The following C2CD2L variants were observed in gnomAD, a reference collection of about 807,000 sequenced individuals.
C2CD2L encodes phospholipid transfer protein C2CD2L.
A neutral mutation model predicts 69.9 loss-of-function variants in C2CD2L; 24 were observed. The observed-to-expected ratio is 0.34, with a 90% CI of 0.25 to 0.48. The LOEUF is 0.48. C2CD2L is among the 20% of genes least tolerant of loss of function. The probability of loss-of-function intolerance (pLI) is 0.99; values close to 1 mark genes in which losing one functional copy is unlikely to be tolerated. For synonymous variants in C2CD2L, 367 were observed against 391.0 expected (o/e 0.94, Z 0.72); for missense variants, 811 against 941.5 (o/e 0.86, Z 1.81).
Position 119,114,434 on chromosome 11 carries a change from G to A in C2CD2L, c.1909+69G>A, listed in dbSNP as rs747666802. 8.1e-6 allele frequency: 12 copies of A among 1,481,038 alleles called. No individual in the cohort carries two copies. Among genetic ancestry groups the A allele is most frequent in the Middle Eastern group, 1.8e-4 (1 of 5,690 alleles). 91.7% of individuals were successfully genotyped at this position (1,481,038 alleles called of 1,614,324 possible). On this transcript the variant is annotated intron_variant, in intron 13 of 13. Transcript: ENST00000648610. This position sits in a 1 kb window ranked among gnomAD's most constrained non-coding sequence, Gnocchi z 5.1. ...CACATATCATGACCTGGGGGACCTCGAGCCAGTGTGCCTTCTCCTTCCTCC... is the reference window on the plus strand; with the variant it reads ...CACATATCATGACCTGGGGGACCTCAAGCCAGTGTGCCTTCTCCTTCCTCC...
Position 119,110,854 on chromosome 11 carries a change from T to C in C2CD2L, c.578T>C (p.Val193Ala). 3.7e-6 allele frequency: 6 copies of C among 1,614,040 alleles called. No homozygotes were observed. The highest frequency in any genetic ancestry group is 5.1e-6 in the Non-Finnish European group (6 of 1,179,930). Residue 193 changes from valine to alanine, a missense_variant, in exon 4 of 14, where the codon GTC becomes GCC. Transcript: ENST00000648610. The surrounding 1 kb of genome is among the most constrained non-coding windows in gnomAD (Gnocchi z 5.7). ...TLTLPPTQLE[V>A]NLEEIPGEGL... ...CTTTGTTCCTGTCTGTAGTTGGAAG[T>C]CAACCTGGAGGAAATCCCTGGTGAG... is the stretch of plus-strand genomic sequence containing the variant.
At chr11:119,111,821 C>A in intron 7 of C2CD2L, 192 bp downstream of exon 7, 1 of 558,382 alleles carries the variant, frequency 1.8e-6, no homozygotes, top group Non-Finnish European at 3.2e-6. Context: ...GGGTCAATGA[C>A]AAGCTTGAGG....
rs1195803685 is a variant in C2CD2L at position 119,111,360 on chromosome 11, G to T, written c.896G>T (p.Gly299Val). ...FLRQLRASHL[G>V]NELEGTEELC... ...CGGCAGCTTCGGGCATCTCACTTGG[G>T]AAATGAGCTGGAAGGTGAGAGCTGG... The change falls in exon 6 of 14, where the codon GGA becomes GTA. Residue 299 changes from glycine (G) to valine (V), a missense_variant. Transcript: ENST00000648610. 6.2e-6 allele frequency: 10 copies of T among 1,614,032 alleles called. No homozygotes were observed. The highest frequency in any genetic ancestry group is 7.6e-6 in the Non-Finnish European group (9 of 1,179,990).
chr11:119,112,877 A>G lies in C2CD2L; in HGVS notation c.1387+3A>G. The G allele has an allele frequency of 1.2e-6, 2 of 1,613,306 alleles. No individual in the cohort carries two copies. Among genetic ancestry groups the G allele is most frequent in the Non-Finnish European group, 1.7e-6 (2 of 1,179,554 alleles). On this transcript the variant is annotated splice_donor_region_variant and intron_variant, in intron 10 of 13. Transcript: ENST00000648610. Reference sequence around the variant, plus strand: ...GCCCCGTATAGACGGCAAATTAGGTAAAGAGAAGGAGCCTGGGAGCCCAGC... The same window carrying G: ...GCCCCGTATAGACGGCAAATTAGGTGAAGAGAAGGAGCCTGGGAGCCCAGC...
In C2CD2L at chr11:119,110,833, G is replaced by T; in HGVS notation, c.571-14G>T. 6.2e-7 allele frequency: 1 copy of T among 1,613,760 alleles called. No homozygotes were observed. The highest frequency in any genetic ancestry group is 8.5e-7 in the Non-Finnish European group (1 of 1,179,748). On this transcript the variant is annotated splice_polypyrimidine_tract_variant and intron_variant, in intron 3 of 13. Coordinates refer to ENST00000648610, the MANE Select transcript of C2CD2L (RefSeq NM_001290474.2). This position sits in a 1 kb window ranked among gnomAD's most constrained non-coding sequence, Gnocchi z 5.7. ...TGGGGCAAGTCAGCCCAGTCACTTT[G>T]TTCCTGTCTGTAGTTGGAAGTCAAC... is the stretch of plus-strand genomic sequence containing the variant.
At position 119,113,662 on chromosome 11, in the gene C2CD2L, C is replaced by T. The variant is rs771035089; in HGVS notation, c.1439C>T (p.Thr480Ile). Reference protein sequence around the residue: ...SKVEVTEKTTTVLSESSGPSN... With the variant: ...SKVEVTEKTTIVLSESSGPSN... The stretch of plus-strand genomic sequence containing the variant: ...GTGGAGGTGACCGAGAAGACGACAA[C>T]TGTGCTGAGTGAGAGCAGTGGCCCC... The change falls in exon 11 of 14, where the codon ACT becomes ATT. Residue 480 changes from threonine (T) to isoleucine (I), a missense_variant. By Grantham distance (89) the Thr-to-Ile change is moderately conservative (BLOSUM62 -1). Coordinates refer to ENST00000648610, the MANE Select transcript of C2CD2L (RefSeq NM_001290474.2). 4 of 1,613,494 alleles carry T rather than the reference C, an allele frequency of 2.5e-6. No individual in the cohort carries two copies. In the East Asian group the frequency reaches 8.9e-5, roughly 36 times the overall value.
Position 119,116,188 on chromosome 11 carries a change from C to T in C2CD2L, c.2053C>T (p.Arg685Cys), listed in dbSNP as rs557066894. The T allele has an allele frequency of 6.2e-6, 10 of 1,614,256 alleles. No individual in the cohort carries two copies. The highest frequency in any genetic ancestry group is 1.1e-5 in the South Asian group (1 of 91,086). The change falls in exon 14 of 14, where the codon CGC (arginine) becomes TGC (cysteine). Residue 685 changes from arginine (R) to cysteine (C), a missense_variant. By Grantham distance (180) the Arg-to-Cys change is radical. Coordinates refer to ENST00000648610, the MANE Select transcript of C2CD2L (RefSeq NM_001290474.2). ...AAAGAAGGCCGGCAGCTTTTCTCGC[C>T]GCCTTATCAAGCGCTTTTCCTTCAA... The part of the protein sequence containing the change: ...VRKKAGSFSR[R>C]LIKRFSFKSK...
chr11:119,105,390 G>A (rs545812537), upstream of C2CD2L, among the ~76,000 whole-genome samples: 3 of 152,372 alleles, frequency 2.0e-5, no homozygotes, highest in South Asian at 6.2e-4. Flanking sequence ...TGTAATCCCA[G>A]CACTTTGGGA....
At chr11:119,104,855 T>C (rs969502785), upstream of C2CD2L, among the ~76,000 whole-genome samples, 4 of 152,232 alleles carry the variant, frequency 2.6e-5, no homozygotes, top group African/African-American at 9.6e-5. Context: ...GGGGCTGTGA[T>C]ACTTGCAGGA....
chr11:119,116,150 C>A lies in C2CD2L; in HGVS notation c.2015C>A (p.Thr672Lys), dbSNP rs1483603604. 10 of 1,614,136 alleles carry A rather than the reference C, an allele frequency of 6.2e-6. No homozygotes were observed. The Admixed American group carries it at 1.0e-4, about 16-fold the overall frequency. The change falls in exon 14 of 14, where the codon ACG (threonine) becomes AAG (lysine). Residue 672 changes from threonine (T) to lysine (K), a missense_variant. Physicochemically the swap from Thr to Lys is moderately conservative, Grantham distance 78 (BLOSUM62 -1). Coordinates refer to ENST00000648610, the MANE Select transcript of C2CD2L (RefSeq NM_001290474.2). ...SHDDLSNATA[T>K]PSVRKKAGSF... The stretch of plus-strand genomic sequence containing the variant: ...GATGACCTCTCCAACGCAACGGCCA[C>A]GCCCAGTGTCCGAAAGAAGGCCGGC...
At chr11:119,111,806 C>A in intron 7 of C2CD2L, 177 bp downstream of exon 7, 2 of 578,408 alleles carry the variant, frequency 3.5e-6, no homozygotes, top group South Asian at 4.2e-5. Flanking sequence ...ACAGCCCCCA[C>A]CCCTGGGTCA....
At chr11:119,108,933 C>T (rs1946664292) in intron 1 of C2CD2L, among the ~76,000 whole-genome samples, 1 of 152,200 alleles carries the variant, frequency 6.6e-6, no homozygotes, top group Admixed American at 6.5e-5. Flanking sequence ...TACTAGTTCC[C>T]CAGATGCCGG....
upstream of C2CD2L, among the ~76,000 whole-genome samples, chr11:119,102,860 C>CTTTTTTTT (rs141575057): frequency 2.3e-5 from 1 of 43,454 alleles, no homozygotes; most frequent in African/African-American, 8.8e-5. Flanking sequence ...AATTCACCAG[C>CTTTTTTTT]TTTTTTTTTT....
Position 119,112,736 on chromosome 11 carries a change from A to T in C2CD2L, c.1249A>T (p.Thr417Ser). The change falls in exon 10 of 14, where the codon ACT becomes TCT. Residue 417 changes from threonine to serine, a missense_variant. Thr to Ser is a moderately conservative substitution (Grantham distance 58, BLOSUM62 1). Coordinates refer to ENST00000648610, the MANE Select transcript of C2CD2L (RefSeq NM_001290474.2). ...GGAGGGCTCTCCCCGGAACCTGGGT[A>T]CTCCCACCTCCTCCACTCCACGCCC... ...YEEGSPRNLG[T>S]PTSSTPRPSI... 2.5e-6 allele frequency: 4 copies of T among 1,613,372 alleles called. No homozygotes were observed. The highest frequency in any genetic ancestry group is 3.4e-6 in the Non-Finnish European group (4 of 1,179,748).
In C2CD2L at chr11:119,113,865, C is replaced by T. The variant is rs1946815625; in HGVS notation, c.1500C>T (p.His500=). Reference sequence around the variant, plus strand: ...CTGCACCCCTAGCAGGGGACAGCCACCTTTCCAACGGCTTGGACCCTGTAG... The same window carrying T: ...CTGCACCCCTAGCAGGGGACAGCCATCTTTCCAACGGCTTGGACCCTGTAG... ...NTSHSSSRDS[H]LSNGLDPVAE... Residue 500 remains histidine (H), a synonymous_variant, in exon 12 of 14, where the codon CAC becomes CAT. Transcript: ENST00000648610. The T allele has an allele frequency of 1.2e-6, 2 of 1,614,060 alleles. No homozygotes were observed. The highest frequency in any genetic ancestry group is 1.7e-6 in the Non-Finnish European group (2 of 1,180,006).
chr11:119,111,721 A>T, intron 7 of C2CD2L, 92 bp downstream of exon 7: 1 of 888,374 alleles, frequency 1.1e-6, no homozygotes, highest in Non-Finnish European at 1.7e-6. Flanking sequence ...CTCTGTTTTC[A>T]GTAGCCTTTG....
At position 119,114,274 on chromosome 11, in the gene C2CD2L, G is replaced by A. The variant is rs149487752; in HGVS notation, c.1818G>A (p.Ser606=). ...AGGAAGCAGACGAGACAACCCGTTC[G>A]GATATTTCTGAGAGGCCATCTGTGG... is the stretch of plus-strand genomic sequence containing the variant. ...SVQEADETTR[S]DISERPSVDD... is the part of the protein sequence containing the mutation. Residue 606 remains serine, a synonymous_variant, in exon 13 of 14, where the codon TCG becomes TCA. Transcript: ENST00000648610. This position sits in a 1 kb window ranked among gnomAD's most constrained non-coding sequence, Gnocchi z 5.1. 3.0e-5 allele frequency: 49 copies of A among 1,614,034 alleles called. No individual in the cohort carries two copies. Among genetic ancestry groups the A allele is most frequent in the Admixed American group, 1.0e-4 (6 of 60,004 alleles).
Position 119,111,648 on chromosome 11 carries a change from C to A in C2CD2L, c.1019+19C>A. The stretch of plus-strand genomic sequence containing the variant: ...TGGCACTGTAAGGAGTAACCCTGCC[C>A]CGACCCCATGCTCCAGAGCAGAGAG... On this transcript the variant is annotated intron_variant, in intron 7 of 13. Transcript: ENST00000648610. The A allele has an allele frequency of 6.5e-7, 1 of 1,539,932 alleles. No homozygotes were observed. Among genetic ancestry groups the A allele is most frequent in the South Asian group, 1.1e-5 (1 of 88,520 alleles).
Position 119,114,506 on chromosome 11 carries a change from A to G in C2CD2L, c.1909+141A>G, listed in dbSNP as rs374832046. On this transcript the variant is annotated intron_variant, in intron 13 of 13. Transcript: ENST00000648610. This position sits in a 1 kb window ranked among gnomAD's most constrained non-coding sequence, Gnocchi z 5.1. Reference sequence around the variant, plus strand: ...CAGCCTAGTTCAGCCAAGCTAGCCTAGAGGGGGATCTTGGTGCCTTGGTTC... The same window carrying G: ...CAGCCTAGTTCAGCCAAGCTAGCCTGGAGGGGGATCTTGGTGCCTTGGTTC... 14 of 795,688 alleles carry G rather than the reference A, an allele frequency of 1.8e-5. No homozygotes were observed. Among genetic ancestry groups the G allele is most frequent in the African/African-American group, 1.6e-4 (9 of 58,018 alleles). The allele number at this position is 795,688 out of a possible 1,614,324, so 49.3% of individuals were successfully genotyped here. A position where few individuals can be genotyped will look rare whatever the true frequency, so the allele number is the denominator to read the frequency against.
Sources: allele counts gnomAD v4.1 joint callset (sites outside exome capture counted in the v4.1 genomes callset), GRCh38; gene constraint gnomAD v4.1.1; non-coding constraint Gnocchi (gnomAD v3.1); transcripts MANE v1.5; gene names NCBI Gene and HGNC (gene_info 2026-07-23, HGNC 2026-07-21).